The following CUL1 variants were observed in gnomAD, a reference collection of about 807,000 sequenced individuals.
CUL1 encodes the protein cullin 1, also known as cullin-1.
Under a neutral mutation model 118.0 loss-of-function variants are expected in CUL1, and 24 were observed. That is an observed-to-expected ratio of 0.20 (90% CI 0.15 to 0.29). CUL1 has a LOEUF of 0.29. Among genes scored for constraint, CUL1 ranks in the 10% least tolerant of loss-of-function variants. The pLI is 1.00. For synonymous variants in CUL1, 332 were observed against 340.4 expected (o/e 0.98, Z 0.27); for missense variants, 361 against 933.8 (o/e 0.39, Z 7.99).
At chr7:148,771,536 G>C (rs1800211608) in intron 9 of CUL1, among the ~76,000 whole-genome samples, 1 of 152,180 alleles carries the variant, frequency 6.6e-6, no homozygotes, top group Admixed American at 6.5e-5. Flanking sequence ...TCGGAGTGGG[G>C]AGGGGACTGT....
At chr7:148,767,489 T>C in intron 8 of CUL1, 130 bp from the exon 9 acceptor site, 1 of 780,858 alleles carries the variant, frequency 1.3e-6, no homozygotes, top group Non-Finnish European at 2.1e-6. Flanking sequence ...TTAAATGCTA[T>C]TGATTATTAA....
chr7:148,741,612 T>G (rs1006291178), intron 2 of CUL1, among the ~76,000 whole-genome samples: 3 of 146,418 alleles, frequency 2.0e-5, no homozygotes, highest in Middle Eastern at 3.5e-3. Context: ...CTAATTTTGG[T>G]GTTTGTAGTA....
At chr7:148,740,255 A>C (rs190151345) in intron 2 of CUL1, among the ~76,000 whole-genome samples, 109 of 152,164 alleles carry the variant, frequency 7.2e-4, no homozygotes, top group African/African-American at 2.4e-3. Context: ...GGATTTCACC[A>C]TGTTGGCCAG....
At chr7:148,793,388 A>G (rs1328268007) in intron 17 of CUL1, among the ~76,000 whole-genome samples, 1 of 152,204 alleles carries the variant, frequency 6.6e-6, no homozygotes, top group African/African-American at 2.4e-5. Context: ...AAGCTTATAG[A>G]ACTACCACCA....
intron 16 of CUL1, among the ~76,000 whole-genome samples, chr7:148,790,949 G>A (rs1310105137): frequency 6.6e-6 from 1 of 152,078 alleles, no homozygotes; most frequent in Non-Finnish European, 1.5e-5. Flanking sequence ...CTGAGGCTTG[G>A]GTTAATTTAA....
chr7:148,747,607 A>C (rs1038274196), intron 2 of CUL1, among the ~76,000 whole-genome samples: 2 of 152,176 alleles, frequency 1.3e-5, no homozygotes, highest in South Asian at 4.1e-4. Context: ...AAAAAATAAT[A>C]ATCATCGACC....
At chr7:148,705,259 T>G (rs1195235255) in intron 1 of CUL1, among the ~76,000 whole-genome samples, 1 of 152,230 alleles carries the variant, frequency 6.6e-6, no homozygotes, top group Non-Finnish European at 1.5e-5. Flanking sequence ...TTAGTAATAG[T>G]GTGAACTTTT....
At chr7:148,742,436 G>A (rs948077258) in intron 2 of CUL1, among the ~76,000 whole-genome samples, 5 of 152,012 alleles carry the variant, frequency 3.3e-5, no homozygotes, top group African/African-American at 9.7e-5. Context: ...GAACACTATC[G>A]GGGAAACTGC....
At chr7:148,714,989 C>T (rs1184042211) in intron 1 of CUL1, among the ~76,000 whole-genome samples, 1 of 152,070 alleles carries the variant, frequency 6.6e-6, no homozygotes, top group Non-Finnish European at 1.5e-5. Flanking sequence ...GGGCCCAAGC[C>T]CTCCTCCTGC....
intron 1 of CUL1, among the ~76,000 whole-genome samples, chr7:148,707,741 T>A (rs1393125628): frequency 1.3e-5 from 2 of 152,246 alleles, no homozygotes; most frequent in East Asian, 3.8e-4. Flanking sequence ...ACTACAAAGT[T>A]GTTTCACATT....
At chr7:148,719,661 A>C (rs941700381) in intron 1 of CUL1, among the ~76,000 whole-genome samples, 2 of 152,258 alleles carry the variant, frequency 1.3e-5, no homozygotes, top group Non-Finnish European at 2.9e-5. Flanking sequence ...CAACATTCAA[A>C]TAGTAACCAG....
intron 2 of CUL1, among the ~76,000 whole-genome samples, chr7:148,738,844 A>G (rs1336920363): frequency 2.0e-5 from 3 of 151,764 alleles, no homozygotes; most frequent in African/African-American, 7.3e-5. Context: ...AGATGTGACC[A>G]TTTTTCTCCT....
intron 2 of CUL1, among the ~76,000 whole-genome samples, chr7:148,740,306 C>T (rs781254284): frequency 5.3e-5 from 8 of 152,150 alleles, no homozygotes; most frequent in Non-Finnish European, 8.8e-5. Flanking sequence ...CCACCTACCT[C>T]GGCCTCCCAT....
chr7:148,751,063 G>C (rs1799475011), intron 2 of CUL1, among the ~76,000 whole-genome samples: 1 of 151,874 alleles, frequency 6.6e-6, no homozygotes, highest in Non-Finnish European at 1.5e-5. Context: ...CAGTATGAAT[G>C]CAAGGCCAAG....
chr7:148,785,143 G>C lies in CUL1; in HGVS notation c.1298+1066G>C, dbSNP rs1287179087. 2.6e-5 allele frequency among the ~76,000 whole-genome samples: 4 copies of C among 152,120 alleles called. No homozygotes were observed. In the East Asian group the frequency reaches 5.8e-4, roughly 22 times the overall value. On this transcript the variant is annotated intron_variant, in intron 11 of 21. Coordinates refer to ENST00000325222, the MANE Select transcript of CUL1 (RefSeq NM_003592.3). The stretch of plus-strand genomic sequence containing the variant: ...ACCCAAGGCCAGTGAGAAACTCTGA[G>C]TGTTTGATTTTTTTTTCCTGTTTAT...
At chr7:148,778,402 C>G (rs1305803681) in intron 9 of CUL1, among the ~76,000 whole-genome samples, 1 of 152,082 alleles carries the variant, frequency 6.6e-6, no homozygotes, top group Non-Finnish European at 1.5e-5. Flanking sequence ...GTGGGGATAC[C>G]ATTGAGCACC....
chr7:148,742,598 G>GTTTTTTTTTT (rs59592789), intron 2 of CUL1, among the ~76,000 whole-genome samples: 7,379 of 111,168 alleles, frequency 0.066, 562 homozygotes, highest in Non-Finnish European at 0.098. Flanking sequence ...ACCTTTTCTG[G>GTTTTTTTTTT]TTTTTTTTTT....
Position 148,787,826 on chromosome 7 carries a change from C to T in CUL1, c.1479+706C>T, listed in dbSNP as rs541705909. 2.6e-5 allele frequency among the ~76,000 whole-genome samples: 4 copies of T among 152,356 alleles called. No individual in the cohort carries two copies. The South Asian group carries it at 6.2e-4, about 24-fold the overall frequency. The stretch of plus-strand genomic sequence containing the variant: ...AGCCCTTCCTCTGCCACCTCCTTTG[C>T]GTGCCTGTGTGTCGGCGCTGTCGAG... On this transcript the variant is annotated intron_variant, in intron 13 of 21. Transcript: ENST00000325222. This position sits in a 1 kb window ranked among gnomAD's most constrained non-coding sequence, Gnocchi z 5.5.
chr7:148,732,404 A>G (rs536715995), intron 2 of CUL1, among the ~76,000 whole-genome samples: 4 of 145,730 alleles, frequency 2.7e-5, no homozygotes, highest in East Asian at 4.0e-4. Context: ...GTGCAGTGTC[A>G]TGATCTCGGC....
Sources: allele counts gnomAD v4.1 joint callset (sites outside exome capture counted in the v4.1 genomes callset), GRCh38; gene constraint gnomAD v4.1.1; non-coding constraint Gnocchi (gnomAD v3.1); transcripts MANE v1.5; gene names NCBI Gene and HGNC (gene_info 2026-07-23, HGNC 2026-07-21).